Variants in CADPS observed in about 807,000 individuals in gnomAD.
CADPS encodes calcium dependent secretion activator, also known as calcium-dependent secretion activator 1.
CADPS carries 57 observed loss-of-function variants against 167.3 expected under a neutral mutation model. The observed-to-expected ratio is 0.34, with a 90% CI of 0.28 to 0.42. CADPS has a LOEUF of 0.42. Ranked by LOEUF, CADPS falls within the 20% of genes least tolerant of loss-of-function variation. The pLI is 1.00. For synonymous variants in CADPS, 676 were observed against 635.3 expected, an observed-to-expected ratio of 1.06 and a Z score of -0.96; for missense variants, 1,414 against 1,738.1, an observed-to-expected ratio of 0.81 and a Z score of 3.32.
chr3:62,617,683 A>G (rs560517125), intron 6 of CADPS, among the ~76,000 whole-genome samples: 32 of 152,250 alleles, frequency 2.1e-4, no homozygotes, highest in African/African-American at 7.7e-4. Context: ...GCTGTTCAGT[A>G]TCCCTGTAAG....
chr3:62,595,006 C>T (rs1436759452), intron 6 of CADPS, among the ~76,000 whole-genome samples: 3 of 152,012 alleles, frequency 2.0e-5, no homozygotes, highest in Non-Finnish European at 4.4e-5. Context: ...GAACATTTTA[C>T]CCTGTTTGTT....
intron 3 of CADPS, among the ~76,000 whole-genome samples, chr3:62,687,640 T>G (rs942078642): frequency 6.6e-6 from 1 of 151,950 alleles, no homozygotes; most frequent in Non-Finnish European, 1.5e-5. Context: ...TTTTTCTTTC[T>G]GCTAATATTA....
intron 3 of CADPS, among the ~76,000 whole-genome samples, chr3:62,742,862 G>A (rs2080585730): frequency 6.6e-6 from 1 of 152,102 alleles, no homozygotes; most frequent in African/African-American, 2.4e-5. Context: ...AGAATGGGGA[G>A]AATTTTTGCA....
chr3:62,737,144 T>G (rs1464891789), intron 3 of CADPS, among the ~76,000 whole-genome samples: 1 of 150,424 alleles, frequency 6.6e-6, no homozygotes, highest in East Asian at 2.0e-4. Flanking sequence ...TCTAAAAAAA[T>G]AAACAAAACA....
intron 6 of CADPS, among the ~76,000 whole-genome samples, chr3:62,640,225 A>T (rs2067150317): frequency 6.6e-6 from 1 of 152,194 alleles, no homozygotes; most frequent in East Asian, 1.9e-4. Flanking sequence ...GCCTTGATGT[A>T]AACCATTCCA....
At chr3:62,467,448 A>G (rs1390095386) in intron 24 of CADPS, 1 of 345,516 alleles carries the variant, frequency 2.9e-6, no homozygotes, top group East Asian at 1.2e-4. Flanking sequence ...GAAATAAGCC[A>G]TAGTAATGTG....
chr3:62,510,130 C>T (rs1215512476), intron 17 of CADPS, among the ~76,000 whole-genome samples: 1 of 152,046 alleles, frequency 6.6e-6, no homozygotes, highest in Non-Finnish European at 1.5e-5. Flanking sequence ...CACCTATCTA[C>T]CTACTCTCCT....
At chr3:62,448,786 G>C (rs2150025554) in intron 26 of CADPS, among the ~76,000 whole-genome samples, 1 of 152,074 alleles carries the variant, frequency 6.6e-6, no homozygotes, top group South Asian at 2.1e-4. Context: ...GCTAATTTTT[G>C]TATTTTTAGT....
intron 4 of CADPS, among the ~76,000 whole-genome samples, chr3:62,660,550 C>T (rs1049737847): frequency 3.9e-5 from 6 of 152,172 alleles, no homozygotes; most frequent in African/African-American, 1.4e-4. Context: ...ACTGCTTAAG[C>T]ACAGGGGGAT....
chr3:62,517,462 C>G (rs917788461), intron 14 of CADPS, among the ~76,000 whole-genome samples: 1 of 152,112 alleles, frequency 6.6e-6, no homozygotes, highest in Non-Finnish European at 1.5e-5. Context: ...TGTTATGCCA[C>G]GAGTTAATAC....
intron 8 of CADPS, among the ~76,000 whole-genome samples, chr3:62,584,708 T>A (rs758555435): frequency 6.6e-6 from 1 of 152,196 alleles, no homozygotes; most frequent in South Asian, 2.1e-4. Context: ...AAATTTTCTA[T>A]TTTTTTCTCA....
chr3:62,417,244 G>A (rs183171750), intron 28 of CADPS, among the ~76,000 whole-genome samples: 3 of 129,336 alleles, frequency 2.3e-5, no homozygotes, highest in Non-Finnish European at 3.3e-5. Flanking sequence ...TTTTCCAAAT[G>A]TACTTAACAC....
In CADPS at chr3:62,822,255, C is replaced by T. The variant is rs868722705; in HGVS notation, c.441+52334G>A. ...GATTATTTAAGGGCAAGTGTCACTG[C>T]GGGCATTCTTATAATTCTGCCTACC... On this transcript the variant is annotated intron_variant, in intron 1 of 29. Transcript: ENST00000383710. Among the ~76,000 whole-genome samples, 12 of 152,288 alleles carry T rather than the reference C, an allele frequency of 7.9e-5. 1 individual carries two copies. The South Asian group carries it at 1.0e-3, about 13-fold the overall frequency.
At chr3:62,511,238 C>A (rs185247339) in intron 17 of CADPS, among the ~76,000 whole-genome samples, 1 of 152,114 alleles carries the variant, frequency 6.6e-6, no homozygotes, top group African/African-American at 2.4e-5. Flanking sequence ...ATAGAAAGAC[C>A]TTTGAAGTCC....
At chr3:62,560,853 G>T (rs1178823455) in intron 9 of CADPS, among the ~76,000 whole-genome samples, 1 of 152,126 alleles carries the variant, frequency 6.6e-6, no homozygotes, top group Non-Finnish European at 1.5e-5. Context: ...GGCTGAGATG[G>T]GTAGATTATG....
intron 21 of CADPS, among the ~76,000 whole-genome samples, chr3:62,490,559 A>C (rs2063532458): frequency 6.6e-6 from 1 of 152,224 alleles, no homozygotes; most frequent in Non-Finnish European, 1.5e-5. Flanking sequence ...CATTTGTGGA[A>C]ATTGACAAAC....
At position 62,483,904 on chromosome 3, in the gene CADPS, A is replaced by G. The variant is rs1399106691; in HGVS notation, c.3027-2035T>C. On this transcript the variant is annotated intron_variant, in intron 21 of 29. Transcript: ENST00000383710. ...GGAATTAGAAGATCTTAGAGATGGC[A>G]GCCCGGAAAGTTAAAATGTCAATTC... is the stretch of plus-strand genomic sequence containing the variant. Among the ~76,000 whole-genome samples, 12 of 152,350 alleles carry G rather than the reference A, an allele frequency of 7.9e-5. No individual in the cohort carries two copies. In the East Asian group the frequency reaches 2.3e-3, roughly 29 times the overall value.
Position 62,759,844 on chromosome 3 carries a change from A to G in CADPS, c.555+6027T>C, listed in dbSNP as rs79516819. ...CATGTTTTACTTTCACGGTCATTTGAAACACATCTTTTCTACCTGGAAAAA... is the reference window on the plus strand; with the variant it reads ...CATGTTTTACTTTCACGGTCATTTGGAACACATCTTTTCTACCTGGAAAAA... On this transcript the variant is annotated intron_variant, in intron 2 of 29. Transcript: ENST00000383710. Among the ~76,000 whole-genome samples, 1,365 of 152,260 alleles carry G rather than the reference A, an allele frequency of 9.0e-3. 26 individuals carry two copies. The highest frequency in any genetic ancestry group is 0.032 in the African/African-American group (1,311 of 41,524).
Position 62,808,784 on chromosome 3 carries a change from C to A in CADPS, c.442-42800G>T, listed in dbSNP as rs77942045. ...AAACTGTATCTCTAGCCTTGACCTT[C>A]CACTAAGCACTAGACTCTTAGATCC... On this transcript the variant is annotated intron_variant, in intron 1 of 29. Transcript: ENST00000383710. Among the ~76,000 whole-genome samples, 976 of 152,222 alleles carry A rather than the reference C, an allele frequency of 6.4e-3. 13 individuals carry two copies. The highest frequency in any genetic ancestry group is 0.022 in the African/African-American group (913 of 41,536).
Sources: gnomAD v4.1 joint callset for allele counts (sites outside exome capture counted in the v4.1 genomes callset) on GRCh38, gnomAD v4.1.1 for gene constraint, MANE v1.5 for transcripts, NCBI Gene and HGNC (gene_info 2026-07-23, HGNC 2026-07-21) for gene names.